Variants in SGCG observed in about 807,000 individuals in gnomAD.
SGCG encodes gamma-sarcoglycan.
Under a neutral mutation model 29.3 loss-of-function variants are expected in SGCG, and 26 were observed. The observed-to-expected ratio is 0.89, with a 90% confidence interval of 0.65 to 1.23. The LOEUF (loss-of-function observed/expected upper bound fraction) is 1.23, where lower values mean the gene tolerates loss of function less well. Ranked by LOEUF, SGCG falls within the 50% of genes most tolerant of loss-of-function variation. The probability of loss-of-function intolerance (pLI) is 0.00; values close to 1 mark genes in which losing one functional copy is unlikely to be tolerated. For synonymous variants in SGCG, 145 were observed against 129.7 expected (o/e 1.12, Z -0.80); for missense variants, 353 against 356.0 (o/e 0.99, Z 0.07).
intron 4 of SGCG, among the ~76,000 whole-genome samples, chr13:23,260,514 G>A (rs1880385852): frequency 6.6e-6 from 1 of 152,158 alleles, no homozygotes; most frequent in African/African-American, 2.4e-5. Context: ...GCCAGTCTGT[G>A]TCTTTTAATT....
intron 4 of SGCG, among the ~76,000 whole-genome samples, chr13:23,264,018 G>T (rs1880545812): frequency 6.6e-6 from 1 of 151,948 alleles, no homozygotes; most frequent in Admixed American, 6.6e-5. Flanking sequence ...AACTATTACA[G>T]AACAAGACGA....
upstream of SGCG, among the ~76,000 whole-genome samples, chr13:23,178,201 A>G (rs1036731503): frequency 5.3e-5 from 8 of 152,308 alleles, no homozygotes; most frequent in South Asian, 2.1e-4. Flanking sequence ...CAGAGGAAGT[A>G]GGTACTTGGC....
intron 2 of SGCG, 27 bp from the exon 3 acceptor site, chr13:23,234,584 G>T (rs184424587): frequency 2.1e-6 from 3 of 1,397,988 alleles, no homozygotes; most frequent in South Asian, 1.2e-5. Flanking sequence ...AAAAATATAC[G>T]CATTGTCTCT....
chr13:23,284,196 G>C (rs919370958), intron 5 of SGCG, among the ~76,000 whole-genome samples: 1 of 152,196 alleles, frequency 6.6e-6, no homozygotes, highest in Admixed American at 6.5e-5. Context: ...ATCCTGAAGA[G>C]TGTTTTCCAA....
rs1883004113 is a variant in SGCG, at chr13:23,320,690, T to A, written c.632T>A (p.Ile211Asn). 2 of 1,610,674 alleles carry A rather than the reference T, an allele frequency of 1.2e-6. No individual in the cohort carries two copies. The highest frequency in any genetic ancestry group is 2.2e-5 in the South Asian group (2 of 90,706). ...LSMDAPRGVH[I>N]QAHAGKIEAL... ...ATGGATGCCCCAAGGGGTGTGCATATTCAAGCTCACGCTGGGAAAATTGAG... is the reference window on the plus strand; with the variant it reads ...ATGGATGCCCCAAGGGGTGTGCATAATCAAGCTCACGCTGGGAAAATTGAG... The change falls in exon 7 of 8, where the codon ATT (isoleucine) becomes AAT (asparagine). Residue 211 changes from isoleucine (I) to asparagine (N), a missense_variant. Transcript: ENST00000218867.
chr13:23,295,860 A>G (rs1881886319), intron 6 of SGCG, among the ~76,000 whole-genome samples: 1 of 152,204 alleles, frequency 6.6e-6, no homozygotes, highest in South Asian at 2.1e-4. Context: ...ACAGCCCTTC[A>G]TAGTCTGGGC....
chr13:23,239,259 GA>G (rs1384518178), intron 3 of SGCG, among the ~76,000 whole-genome samples: 1 of 151,772 alleles, frequency 6.6e-6, no homozygotes, highest in African/African-American at 2.4e-5. Flanking sequence ...ACAAAGGAGT[GA>G]AAAAAATATG....
intron 1 of SGCG, among the ~76,000 whole-genome samples, chr13:23,191,647 TG>T (rs1877257671): frequency 6.6e-6 from 1 of 152,212 alleles, no homozygotes; most frequent in African/African-American, 2.4e-5. Context: ...GGTTTGTCTT[TG>T]ACATTCAGTC....
chr13:23,228,985 C>T (rs1369939600), intron 2 of SGCG, among the ~76,000 whole-genome samples: 1 of 152,198 alleles, frequency 6.6e-6, no homozygotes, highest in Non-Finnish European at 1.5e-5. Flanking sequence ...ATTCTCCAGC[C>T]TCAGCCCCCG....
chr13:23,286,997 G>A (rs1023570766), intron 5 of SGCG, among the ~76,000 whole-genome samples: 4 of 152,130 alleles, frequency 2.6e-5, no homozygotes, highest in African/African-American at 4.8e-5. Context: ...TAGCTTTATC[G>A]CCAATGGTAA....
intron 6 of SGCG, among the ~76,000 whole-genome samples, chr13:23,314,382 T>TCATATATATATATATATATATATA (rs1882718485): frequency 1.3e-5 from 1 of 78,624 alleles, no homozygotes; most frequent in African/African-American, 5.7e-5. Flanking sequence ...CTGCTATAGG[T>TCATATATATATATATATATATATA]TATATATATA....
intron 4 of SGCG, among the ~76,000 whole-genome samples, chr13:23,266,119 T>TA (rs1453545964): frequency 2.0e-5 from 3 of 151,840 alleles, no homozygotes; most frequent in African/African-American, 7.2e-5. Context: ...CTACCAAAAA[T>TA]ACAAAAATTA....
intron 6 of SGCG, among the ~76,000 whole-genome samples, chr13:23,298,647 C>A (rs1382324588): frequency 6.6e-6 from 1 of 151,952 alleles, no homozygotes; most frequent in Non-Finnish European, 1.5e-5. Context: ...TTAGAAAAAT[C>A]ATTCAAATCT....
At chr13:23,160,670 C>G in the SGCG span, among the ~76,000 whole-genome samples, 1 of 152,152 alleles carries the variant, frequency 6.6e-6, no homozygotes, top group Non-Finnish European at 1.5e-5. Flanking sequence ...CCACGGCCCG[C>G]CACTTCGCCT....
intron 2 of SGCG, among the ~76,000 whole-genome samples, chr13:23,217,065 C>T (rs1018339855): frequency 1.3e-5 from 2 of 151,982 alleles, no homozygotes; most frequent in Non-Finnish European, 2.9e-5. Flanking sequence ...ACCACCACTC[C>T]GGGTATATAA....
At chr13:23,315,105 A>G (rs1882758430) in intron 6 of SGCG, among the ~76,000 whole-genome samples, 2 of 152,150 alleles carry the variant, frequency 1.3e-5, no homozygotes, top group African/African-American at 4.8e-5. Flanking sequence ...GCAGGCCCTT[A>G]CAGGTGAATC....
In SGCG at chr13:23,320,674, C is replaced by T; in HGVS notation, c.616C>T (p.Pro206Ser). Reference sequence around the variant, plus strand: ...CACTCGGAGTCTAAGCATGGATGCCCCAAGGGGTGTGCATATTCAAGCTCA... The same window carrying T: ...CACTCGGAGTCTAAGCATGGATGCCTCAAGGGGTGTGCATATTCAAGCTCA... ...SPTRSLSMDA[P>S]RGVHIQAHAG... The change falls in exon 7 of 8, where the codon CCA becomes TCA. Residue 206 changes from proline (P) to serine (S), a missense_variant. By Grantham distance (74) the Pro-to-Ser change is moderately conservative. Coordinates refer to ENST00000218867, the MANE Select transcript of SGCG (RefSeq NM_000231.3). 6.2e-7 allele frequency: 1 copy of T among 1,608,624 alleles called. No individual in the cohort carries two copies. The highest frequency in any genetic ancestry group is 8.5e-7 in the Non-Finnish European group (1 of 1,177,100).
intron 3 of SGCG, among the ~76,000 whole-genome samples, 165 bp from the exon 4 acceptor site, chr13:23,250,465 A>G (rs1019927657): frequency 1.3e-5 from 2 of 152,232 alleles, no homozygotes; most frequent in Non-Finnish European, 2.9e-5. Context: ...TTAAAAAAAT[A>G]TGATTCAGGA....
At chr13:23,185,246 C>T (rs1876923027) in intron 1 of SGCG, among the ~76,000 whole-genome samples, 1 of 152,218 alleles carries the variant, frequency 6.6e-6, no homozygotes, top group African/African-American at 2.4e-5. Flanking sequence ...GGCTGGAGTG[C>T]AATGGTGCGA....
Sources: gnomAD v4.1 joint callset for allele counts (sites outside exome capture counted in the v4.1 genomes callset) on GRCh38, gnomAD v4.1.1 for gene constraint, MANE v1.5 for transcripts, NCBI Gene and HGNC (gene_info 2026-07-23, HGNC 2026-07-21) for gene names.